The following FUNDC2 variants were observed in gnomAD, a reference collection of about 807,000 sequenced individuals.
FUNDC2 encodes FUN14 domain-containing protein 2.
In FUNDC2, 4 loss-of-function variants were observed where a neutral mutation model predicts 15.6. The ratio of observed to expected loss-of-function variants is 0.26; its 90% CI spans 0.13 to 0.59. FUNDC2 has a LOEUF of 0.59. Among genes scored for constraint, FUNDC2 ranks in the 20% least tolerant of loss-of-function variants. The pLI is 0.90. For synonymous variants in FUNDC2, 44 were observed against 56.9 expected (o/e 0.77, Z 1.02); for missense variants, 98 against 149.7 (o/e 0.65, Z 1.80).
At chrX:155,046,654 T>G (rs1421982602) in intron 3 of FUNDC2, 70 bp downstream of exon 3, 3 of 848,690 alleles carry the variant, frequency 3.5e-6, no homozygotes, top group South Asian at 4.1e-5. Flanking sequence ...GTGTGGGGAG[T>G]TGTAATACAG....
chrX:155,032,610 T>G (rs1232515794), intron 1 of FUNDC2, among the ~76,000 whole-genome samples: 1 of 110,914 alleles, frequency 9.0e-6, no homozygotes, highest in African/African-American at 3.3e-5. Flanking sequence ...AGTTAATAAG[T>G]AGTACCTACC....
rs144192955 is a variant in FUNDC2 at position 155,034,354 on chromosome X, G to C, written c.284+801G>C. On this transcript the variant is annotated intron_variant, in intron 2 of 4. Transcript: ENST00000369498. Reference sequence around the variant, plus strand: ...TGTTTCATATATTCAACTACATTGTGTATAGTTGTAGTTTCTTCACTTTCA... The same window carrying C: ...TGTTTCATATATTCAACTACATTGTCTATAGTTGTAGTTTCTTCACTTTCA... 5.7e-3 allele frequency among the ~76,000 whole-genome samples: 636 copies of C among 112,355 alleles called. 3 individuals carry two copies. The highest frequency in any genetic ancestry group is 0.019 in the African/African-American group (599 of 30,944).
chrX:155,027,409 A>C, intron 1 of FUNDC2: 1 of 140,181 alleles, frequency 7.1e-6, no homozygotes, highest in African/African-American at 3.1e-5. Flanking sequence ...TTCATCTCAA[A>C]TGCCTCGTGG....
Position 155,042,232 on chromosome X carries a change from A to T in FUNDC2, c.285-4277A>T, listed in dbSNP as rs782460208. Among the ~76,000 whole-genome samples the T allele has an allele frequency of 1.4e-4, 11 of 76,748 alleles. No homozygotes were observed. The South Asian group carries it at 8.1e-3, about 57-fold the overall frequency. 66.6% of individuals were successfully genotyped at this position (76,748 alleles called of 115,157 possible). On this transcript the variant is annotated intron_variant, in intron 2 of 4. Transcript: ENST00000369498. ...GATGGACTCTTTCTCTGTCACCCAG[A>T]CTGGAATGCAGTGGCATGATCTCAG...
At position 155,057,819 on chromosome X, in the gene FUNDC2, C is replaced by T. The variant is rs1382686017; in HGVS notation, c.*3147C>T. 1.8e-5 allele frequency: 2 copies of T among 111,361 alleles called. No individual in the cohort carries two copies. Among genetic ancestry groups the T allele is most frequent in the Admixed American group, 1.9e-4 (2 of 10,561 alleles). 9.2% of individuals were successfully genotyped at this position (111,361 alleles called of 1,213,427 possible). On this transcript the variant is annotated 3_prime_UTR_variant, in exon 5 of 5. Coordinates refer to ENST00000369498, the MANE Select transcript of FUNDC2 (RefSeq NM_023934.4). ...GTAGAACTTTTGAGTCTCTTCTTCC[C>T]AAGGTTCTCCCCAGAGTCGGAGAGC...
intron 1 of FUNDC2, among the ~76,000 whole-genome samples, chrX:155,031,972 TTTCA>T (rs1245012830): frequency 1.1e-5 from 1 of 93,588 alleles, no homozygotes; most frequent in African/African-American, 4.4e-5. Context: ...GGAACCTTCA[TTTCA>T]TTTTTTTTTT....
intron 1 of FUNDC2, among the ~76,000 whole-genome samples, chrX:155,030,716 G>T (rs1223783771): frequency 1.1e-5 from 1 of 87,856 alleles, no homozygotes; most frequent in Non-Finnish European, 2.2e-5. Flanking sequence ...ATGGAGTTTC[G>T]CTCTTGTTGC....
At chrX:155,043,872 G>C (rs1470677518) in intron 2 of FUNDC2, among the ~76,000 whole-genome samples, 1 of 112,271 alleles carries the variant, frequency 8.9e-6, no homozygotes, top group African/African-American at 3.2e-5. Flanking sequence ...TCCATGCATT[G>C]TTGTATTTGT....
In FUNDC2 at chrX:155,042,175, C is replaced by CTTTTTT. The variant is rs1175079092; in HGVS notation, c.285-4310_285-4305dup. Among the ~76,000 whole-genome samples the CTTTTTT allele has an allele frequency of 3.6e-3, 141 of 39,209 alleles. 10 individuals carry two copies. Among genetic ancestry groups the CTTTTTT allele is most frequent in the African/African-American group, 7.7e-3 (59 of 7,645 alleles). 34.0% of individuals were successfully genotyped at this position (39,209 alleles called of 115,157 possible). ...CCTTGCTATAGTTTTCTTTTTCTAT[C>CTTTTTT]TTTTTTTTTTTTTTTTTTTTTTTTT... On this transcript the variant is annotated intron_variant, in intron 2 of 4. Coordinates refer to ENST00000369498, the MANE Select transcript of FUNDC2 (RefSeq NM_023934.4).
intron 1 of FUNDC2, among the ~76,000 whole-genome samples, chrX:155,027,681 A>G (rs1286770567): frequency 1.8e-5 from 2 of 112,238 alleles, no homozygotes; most frequent in African/African-American, 6.5e-5. Flanking sequence ...TAAACGTAAA[A>G]TTACGTAAAT....
At chrX:155,045,627 C>CA (rs1557289973) in intron 2 of FUNDC2, among the ~76,000 whole-genome samples, 1 of 111,619 alleles carries the variant, frequency 9.0e-6, no homozygotes, top group African/African-American at 3.3e-5. Flanking sequence ...TCATTGAAGT[C>CA]ATGGGACAAA....
intron 4 of FUNDC2, 53 bp from the exon 5 acceptor site, chrX:155,054,542 A>T (rs2073888070): frequency 3.3e-6 from 4 of 1,205,664 alleles, no homozygotes; most frequent in Non-Finnish European, 4.5e-6. Flanking sequence ...ATGATTCTTA[A>T]TATTATTAAC....
At chrX:155,048,929 T>A (rs2073871769) in intron 3 of FUNDC2, among the ~76,000 whole-genome samples, 1 of 112,667 alleles carries the variant, frequency 8.9e-6, no homozygotes, top group African/African-American at 3.2e-5. Flanking sequence ...ATATTTTATG[T>A]TGCTCTTTCA....
At chrX:155,053,506 A>C (rs1352910659) in intron 4 of FUNDC2, among the ~76,000 whole-genome samples, 1 of 111,851 alleles carries the variant, frequency 8.9e-6, no homozygotes, top group African/African-American at 3.3e-5. Context: ...TTTTCTCAGG[A>C]AGTTGTATGA....
At chrX:155,036,160 C>T (rs1467810435) in intron 2 of FUNDC2, among the ~76,000 whole-genome samples, 1 of 112,291 alleles carries the variant, frequency 8.9e-6, no homozygotes, top group Non-Finnish European at 1.9e-5. Context: ...AGTTCCTCTG[C>T]ATCCTTACTA....
At chrX:155,039,619 C>T (rs1557289395) in intron 2 of FUNDC2, among the ~76,000 whole-genome samples, 1 of 111,952 alleles carries the variant, frequency 8.9e-6, no homozygotes, top group Non-Finnish European at 1.9e-5. Context: ...GTTGTGTGTT[C>T]TTGGCATCTT....
At chrX:155,027,839 T>A (rs2073799850) in intron 1 of FUNDC2, among the ~76,000 whole-genome samples, 1 of 111,896 alleles carries the variant, frequency 8.9e-6, no homozygotes, top group Non-Finnish European at 1.9e-5. Flanking sequence ...CTACTGTGCG[T>A]CTCTTCCCAT....
At chrX:155,040,761 A>G (rs1321643496) in intron 2 of FUNDC2, among the ~76,000 whole-genome samples, 1 of 111,523 alleles carries the variant, frequency 9.0e-6, no homozygotes, top group Non-Finnish European at 1.9e-5. Flanking sequence ...TTGAGGACCC[A>G]CCTAACTTTT....
intron 2 of FUNDC2, among the ~76,000 whole-genome samples, chrX:155,043,897 C>A (rs1175300416): frequency 8.9e-6 from 1 of 111,968 alleles, no homozygotes; most frequent in Non-Finnish European, 1.9e-5. Flanking sequence ...CTTTCTCTTA[C>A]TGAGCTGAAA....
Sources: allele counts gnomAD v4.1 joint callset (sites outside exome capture counted in the v4.1 genomes callset), GRCh38; gene constraint gnomAD v4.1.1; transcripts MANE v1.5; gene names NCBI Gene and HGNC (gene_info 2026-07-23, HGNC 2026-07-21).